Variants in DPP10 observed in about 807,000 individuals in gnomAD.
The protein encoded by DPP10 is dipeptidyl peptidase like 10, also known as inactive dipeptidyl peptidase 10.
Under a neutral mutation model 120.9 loss-of-function variants are expected in DPP10, and 33 were observed. That is an observed-to-expected ratio of 0.27 (90% CI 0.21 to 0.37). DPP10 has a LOEUF of 0.37. DPP10 is among the 10% of genes least tolerant of loss of function. DPP10 has a pLI of 1.00. For missense variants in DPP10, 816 were observed against 942.8 expected (o/e 0.87, Z 1.76); for synonymous variants, 337 against 326.1 (o/e 1.03, Z -0.36).
chr2:115,386,868 G>A (rs1408074114), intron 3 of DPP10, among the ~76,000 whole-genome samples: 2 of 149,448 alleles, frequency 1.3e-5, no homozygotes, highest in Non-Finnish European at 3.0e-5. Flanking sequence ...ATAATAATCA[G>A]TACATATTTG....
At chr2:115,219,823 C>T (rs540209081) in intron 1 of DPP10, among the ~76,000 whole-genome samples, 1 of 152,272 alleles carries the variant, frequency 6.6e-6, no homozygotes. Flanking sequence ...TTATCATGCC[C>T]TTTAATAGTA....
intron 1 of DPP10, among the ~76,000 whole-genome samples, chr2:115,038,722 C>A (rs938618442): frequency 3.9e-5 from 6 of 152,160 alleles, no homozygotes; most frequent in African/African-American, 1.4e-4. Flanking sequence ...ATTTAACTGT[C>A]ACAACCCTGT....
At chr2:114,943,138 G>T (rs1223240706) in intron 1 of DPP10, among the ~76,000 whole-genome samples, 1 of 152,176 alleles carries the variant, frequency 6.6e-6, no homozygotes, top group African/African-American at 2.4e-5. Context: ...TTACAGGTGA[G>T]AACATGCGGT....
At chr2:115,351,759 A>G (rs1404174119) in intron 3 of DPP10, among the ~76,000 whole-genome samples, 1 of 152,056 alleles carries the variant, frequency 6.6e-6, no homozygotes, top group Non-Finnish European at 1.5e-5. Context: ...GCATACCATG[A>G]AGCATATTTA....
intron 7 of DPP10, among the ~76,000 whole-genome samples, chr2:115,717,712 A>T (rs1396829290): frequency 6.6e-6 from 1 of 152,192 alleles, no homozygotes; most frequent in Non-Finnish European, 1.5e-5. Flanking sequence ...GAACATAGGA[A>T]TGTGTTCAGG....
At chr2:115,742,201 GAA>G (rs1246916429) in intron 9 of DPP10, among the ~76,000 whole-genome samples, 1 of 151,918 alleles carries the variant, frequency 6.6e-6, no homozygotes, top group African/African-American at 2.4e-5. Context: ...GTTATTTTAA[GAA>G]CAGGGAAAAA....
intron 3 of DPP10, among the ~76,000 whole-genome samples, chr2:115,392,870 T>C (rs1375220583): frequency 6.6e-6 from 1 of 152,206 alleles, no homozygotes; most frequent in Non-Finnish European, 1.5e-5. Flanking sequence ...AAAGATTTCC[T>C]TCAGTTTTAT....
intron 1 of DPP10, among the ~76,000 whole-genome samples, chr2:115,251,467 G>C (rs1203643353): frequency 6.6e-6 from 1 of 152,044 alleles, no homozygotes; most frequent in Admixed American, 6.6e-5. Flanking sequence ...CTTCTTATTA[G>C]AAAGCTTTTA....
intron 5 of DPP10, among the ~76,000 whole-genome samples, chr2:115,659,189 A>G (rs1435768914): frequency 1.3e-5 from 2 of 152,172 alleles, no homozygotes; most frequent in East Asian, 3.9e-4. Context: ...GGCCTGCATC[A>G]GATGCTGGCA....
At chr2:115,226,732 A>G (rs977874726) in intron 1 of DPP10, among the ~76,000 whole-genome samples, 1 of 152,182 alleles carries the variant, frequency 6.6e-6, no homozygotes, top group African/African-American at 2.4e-5. Flanking sequence ...TATTTCCAGC[A>G]GTAGTCAGAG....
intron 1 of DPP10, among the ~76,000 whole-genome samples, chr2:115,252,131 C>T (rs1206876647): frequency 6.6e-6 from 1 of 152,110 alleles, no homozygotes; most frequent in Non-Finnish European, 1.5e-5. Context: ...TTTAAAGATG[C>T]CAACTTTCTC....
rs573090640 is a variant in DPP10 at position 115,739,857 on chromosome 2, G to A, written c.816G>A (p.Ala272=). 1.2e-4 allele frequency: 187 copies of A among 1,613,450 alleles called. No individual in the cohort carries two copies. Among genetic ancestry groups the A allele is most frequent in the South Asian group, 1.9e-4 (17 of 91,072 alleles). Residue 272 remains alanine (A), a synonymous_variant, in exon 9 of 26, where the codon GCG becomes GCA. Transcript: ENST00000410059. The part of the protein sequence containing the change: ...PTMVIPRFTG[A]LYPKGKQYPY... ...TGGTTATCCCTCGGTTTACTGGAGC[G>A]TTGTATCCCAAAGGAAAGCAGTATC...
intron 1 of DPP10, among the ~76,000 whole-genome samples, chr2:114,960,870 G>T (rs1323634786): frequency 6.6e-6 from 1 of 151,968 alleles, no homozygotes; most frequent in Non-Finnish European, 1.5e-5. Flanking sequence ...TGACCAATTT[G>T]TTTTGGTGGC....
chr2:115,120,573 G>T (rs1022745221), intron 1 of DPP10, among the ~76,000 whole-genome samples: 8 of 152,186 alleles, frequency 5.3e-5, no homozygotes, highest in Non-Finnish European at 7.3e-5. Context: ...GCCTTGCCTA[G>T]AATTTAATGG....
intron 5 of DPP10, among the ~76,000 whole-genome samples, chr2:115,591,489 A>G (rs187308781): frequency 6.6e-6 from 1 of 151,620 alleles, no homozygotes; most frequent in African/African-American, 2.4e-5. Context: ...ATTTCTGCAG[A>G]CTCTGTTCTG....
chr2:115,067,561 T>A (rs1375007977), intron 1 of DPP10, among the ~76,000 whole-genome samples: 1 of 139,014 alleles, frequency 7.2e-6, no homozygotes, highest in Non-Finnish European at 1.6e-5. Context: ...CAGAATTTCC[T>A]CTTTTTAAAA....
chr2:114,544,301 C>T (rs1180375835), intron 1 of DPP10, among the ~76,000 whole-genome samples: 9 of 152,184 alleles, frequency 5.9e-5, no homozygotes, highest in African/African-American at 1.2e-4. Flanking sequence ...GAGGCAAGAA[C>T]GCTTCAGATC....
chr2:114,509,613 G>A (rs1683967952), intron 1 of DPP10, among the ~76,000 whole-genome samples: 1 of 152,174 alleles, frequency 6.6e-6, no homozygotes, highest in Non-Finnish European at 1.5e-5. Flanking sequence ...CCCCCAGCTT[G>A]GTGATCTCTC....
chr2:115,483,795 C>T (rs1265979915), intron 3 of DPP10, among the ~76,000 whole-genome samples: 1 of 152,066 alleles, frequency 6.6e-6, no homozygotes, highest in Non-Finnish European at 1.5e-5. Context: ...CTTAACAACT[C>T]AACAGGAGAC....
Sources: allele counts gnomAD v4.1 joint callset (sites outside exome capture counted in the v4.1 genomes callset), GRCh38; gene constraint gnomAD v4.1.1; transcripts MANE v1.5; gene names NCBI Gene and HGNC (gene_info 2026-07-23, HGNC 2026-07-21).